Variants in LRRC46 observed in about 807,000 individuals in gnomAD.
LRRC46 encodes leucine-rich repeat-containing protein 46.
In LRRC46, 20 loss-of-function variants were observed where a neutral mutation model predicts 28.0. The observed-to-expected ratio is 0.71, with a 90% CI of 0.50 to 1.04. The LOEUF is 1.04. LRRC46 is among the 50% of genes least tolerant of loss of function. The pLI, the probability that LRRC46 is intolerant of heterozygous loss-of-function variation, is 0.00. For missense variants in LRRC46, 315 were observed against 390.1 expected, an observed-to-expected ratio of 0.81 and a Z score of 1.62; for synonymous variants, 156 against 158.8, an observed-to-expected ratio of 0.98 and a Z score of 0.13.
chr17:47,836,433 G>A lies in LRRC46; in HGVS notation c.553G>A (p.Glu185Lys). The A allele has an allele frequency of 6.2e-7, 1 of 1,614,150 alleles. No homozygotes were observed. The highest frequency in any genetic ancestry group is 8.5e-7 in the Non-Finnish European group (1 of 1,180,012). Reference sequence around the variant, plus strand: ...TGAGGAGGATGAAGCCTCAAGCGATGAGGAGTTCCCAGAGCTGAGTGGCCC... The same window carrying A: ...TGAGGAGGATGAAGCCTCAAGCGATAAGGAGTTCCCAGAGCTGAGTGGCCC... ...SDEEDEASSD[E>K]EFPELSGPFC... Residue 185 changes from glutamate (E) to lysine (K), a missense_variant, in exon 7 of 8, where the codon GAG becomes AAG. By Grantham distance (56) the Glu-to-Lys change is moderately conservative (BLOSUM62 1). Transcript: ENST00000269025. The surrounding 1 kb of genome is among the most constrained non-coding windows in gnomAD (Gnocchi z 5.8).
chr17:47,837,167 C>G lies in LRRC46; in HGVS notation c.*47C>G. The G allele has an allele frequency of 6.3e-7, 1 of 1,582,174 alleles. No individual in the cohort carries two copies. The highest frequency in any genetic ancestry group is 2.1e-5 in the Admixed American group (1 of 48,510). On this transcript the variant is annotated 3_prime_UTR_variant, in exon 8 of 8. Coordinates refer to ENST00000269025, the MANE Select transcript of LRRC46 (RefSeq NM_033413.4). ...CTAGTGGAGAGGAGTGGGGCCTGCC[C>G]CTCTTCTCAGACCTCTGACCTGTGA...
Position 47,837,332 on chromosome 17 carries a change from G to A in LRRC46, c.*212G>A, listed in dbSNP as rs985293737. Reference sequence around the variant, plus strand: ...AGTGAGCCACCTGATTCTAAAGAGCGAGTCTGGAATCTTTCGGGAGCTACC... The same window carrying A: ...AGTGAGCCACCTGATTCTAAAGAGCAAGTCTGGAATCTTTCGGGAGCTACC... On this transcript the variant is annotated 3_prime_UTR_variant, in exon 8 of 8. Coordinates refer to ENST00000269025, the MANE Select transcript of LRRC46 (RefSeq NM_033413.4). The A allele has an allele frequency of 1.5e-6, 1 of 647,052 alleles. No homozygotes were observed. Among genetic ancestry groups the A allele is most frequent in the South Asian group, 2.4e-5 (1 of 41,454 alleles). 40.1% of individuals were successfully genotyped at this position (647,052 alleles called of 1,614,324 possible).
rs1426658970 is a variant in LRRC46 at position 47,836,176 on chromosome 17, C to A, written c.452+74C>A. ...TAACTCAGCCCAGACCCCTCTCAGC[C>A]TGCAAACCTGGGGTCCTGTCCATGA... On this transcript the variant is annotated intron_variant, in intron 6 of 7. Transcript: ENST00000269025. The surrounding 1 kb of genome is among the most constrained non-coding windows in gnomAD (Gnocchi z 5.8). 1.3e-6 allele frequency: 2 copies of A among 1,588,742 alleles called. No individual in the cohort carries two copies. Among genetic ancestry groups the A allele is most frequent in the East Asian group, 2.2e-5 (1 of 44,728 alleles).
chr17:47,835,901 T>C (rs2033688581), intron 5 of LRRC46, 126 bp downstream of exon 5: 1 of 1,304,686 alleles, frequency 7.7e-7, no homozygotes, highest in South Asian at 1.2e-5. Flanking sequence ...CCTCAGGGAG[T>C]TCAAGGGGTT....
chr17:47,832,623 G>A (rs142221486), intron 2 of LRRC46, among the ~76,000 whole-genome samples: 1 of 152,258 alleles, frequency 6.6e-6, no homozygotes, highest in Admixed American at 6.5e-5. Context: ...TGTGGCTGCA[G>A]TAAGCTATGA....
Position 47,836,204 on chromosome 17 carries a change from CCTT to C in LRRC46, c.452+105_452+107del. 4 of 1,570,388 alleles carry C rather than the reference CCTT, an allele frequency of 2.5e-6. No individual in the cohort carries two copies. The highest frequency in any genetic ancestry group is 3.5e-6 in the Non-Finnish European group (4 of 1,143,212). On this transcript the variant is annotated intron_variant, in intron 6 of 7. Coordinates refer to ENST00000269025, the MANE Select transcript of LRRC46 (RefSeq NM_033413.4). The surrounding 1 kb of genome is among the most constrained non-coding windows in gnomAD (Gnocchi z 5.8). ...CAAACCTGGGGTCCTGTCCATGACACCTTCTCCCCCACCTCCTACCTAGCTCAT... is the reference window on the plus strand; with the variant it reads ...CAAACCTGGGGTCCTGTCCATGACACCTCCCCCACCTCCTACCTAGCTCAT...
intron 5 of LRRC46, 114 bp from the exon 6 acceptor site, chr17:47,835,919 G>A: frequency 7.5e-7 from 1 of 1,342,252 alleles, no homozygotes; most frequent in South Asian, 1.2e-5. Flanking sequence ...GTTGTGCCTA[G>A]AGGTACTGGC....
chr17:47,836,975 CCAAGAAACCAT>C lies in LRRC46; in HGVS notation c.822_832del (p.Lys275GlnfsTer29), dbSNP rs756537540. On this transcript the variant is annotated frameshift_variant, in exon 8 of 8. Coordinates refer to ENST00000269025, the MANE Select transcript of LRRC46 (RefSeq NM_033413.4). LOFTEE classifies it low-confidence loss of function (END_TRUNC). The surrounding 1 kb of genome is among the most constrained non-coding windows in gnomAD (Gnocchi z 5.8). ...TCCTCACCCCAGGCCTCCTCTCCCACCAAGAAACCATGCAGTCTGATTCCCAGGGGCCACCA... is the reference window on the plus strand; with the variant it reads ...TCCTCACCCCAGGCCTCCTCTCCCACGCAGTCTGATTCCCAGGGGCCACCA... 3 of 1,613,604 alleles carry C rather than the reference CCAAGAAACCAT, an allele frequency of 1.9e-6. No homozygotes were observed. The Admixed American group carries it at 5.0e-5, about 27-fold the overall frequency.
In LRRC46 at chr17:47,836,011, C is replaced by T. The variant is rs1567953757; in HGVS notation, c.383-22C>T. 2 of 1,613,178 alleles carry T rather than the reference C, an allele frequency of 1.2e-6. No homozygotes were observed. The highest frequency in any genetic ancestry group is 1.3e-5 in the African/African-American group (1 of 75,024). On this transcript the variant is annotated intron_variant, in intron 5 of 7. Transcript: ENST00000269025. The surrounding 1 kb of genome is among the most constrained non-coding windows in gnomAD (Gnocchi z 5.8). ...CTAAGATCAAGTGAGAACCCCATTT[C>T]CTCTCTCTTTGCTGTGTGCAGATGA...
In LRRC46 at chr17:47,836,477, T is replaced by C; in HGVS notation, c.595+2T>C. On this transcript the variant is annotated splice_donor_variant, in intron 7 of 7. Coordinates refer to ENST00000269025, the MANE Select transcript of LRRC46 (RefSeq NM_033413.4). LOFTEE classifies it high-confidence loss of function. This position sits in a 1 kb window ranked among gnomAD's most constrained non-coding sequence, Gnocchi z 5.8. ...GTGGCCCATTCTGCTCAGAACGAGG[T>C]GACCCTGCTTTCCAAGGTTTTCAGC... 3 of 1,613,584 alleles carry C rather than the reference T, an allele frequency of 1.9e-6. No individual in the cohort carries two copies. Among genetic ancestry groups the C allele is most frequent in the Non-Finnish European group, 2.5e-6 (3 of 1,179,684 alleles).
chr17:47,833,945 G>T, intron 2 of LRRC46: 3 of 985,678 alleles, frequency 3.0e-6, no homozygotes, highest in Non-Finnish European at 3.6e-6. Flanking sequence ...GGTGGGCAGA[G>T]ACTCTGTCAT....
At position 47,835,337 on chromosome 17, in the gene LRRC46, C is replaced by T. The variant is rs754893678; in HGVS notation, c.226-16C>T. On this transcript the variant is annotated splice_polypyrimidine_tract_variant and intron_variant, in intron 3 of 7. Coordinates refer to ENST00000269025, the MANE Select transcript of LRRC46 (RefSeq NM_033413.4). Reference sequence around the variant, plus strand: ...TGATCTCAGCTTGGTTTCCCCACTTCGGTTTCTTCTTGCAGAATAAGATCC... The same window carrying T: ...TGATCTCAGCTTGGTTTCCCCACTTTGGTTTCTTCTTGCAGAATAAGATCC... The T allele has an allele frequency of 1.5e-5, 25 of 1,614,024 alleles. No individual in the cohort carries two copies. Among genetic ancestry groups the T allele is most frequent in the East Asian group, 4.5e-5 (2 of 44,892 alleles).
Position 47,837,458 on chromosome 17 carries a change from C to T in LRRC46, c.*338C>T. The T allele has an allele frequency of 2.4e-6, 1 of 410,244 alleles. No individual in the cohort carries two copies. Among genetic ancestry groups the T allele is most frequent in the Middle Eastern group, 6.6e-4 (1 of 1,516 alleles). 25.4% of individuals were successfully genotyped at this position (410,244 alleles called of 1,614,324 possible). ...GAAGAGGCATGCCATCTCACTGCCA[C>T]CCCTAGCGAGTGCCCTTCCCCGGTC... On this transcript the variant is annotated 3_prime_UTR_variant, in exon 8 of 8. Transcript: ENST00000269025.
chr17:47,832,536 T>C (rs2033647076), intron 2 of LRRC46, among the ~76,000 whole-genome samples: 1 of 151,826 alleles, frequency 6.6e-6, no homozygotes, highest in Non-Finnish European at 1.5e-5. Flanking sequence ...AAAATAAAAA[T>C]AAACTAGCTG....
At chr17:47,835,225 G>C (rs758064047) in intron 3 of LRRC46, 128 bp from the exon 4 acceptor site, 1 of 926,842 alleles carries the variant, frequency 1.1e-6, no homozygotes, top group Non-Finnish European at 1.8e-6. Context: ...CAAGGAGTGG[G>C]GTGATCATTC....
At chr17:47,834,134 C>T (rs2033667106) in intron 2 of LRRC46, 4 of 1,068,780 alleles carry the variant, frequency 3.7e-6, no homozygotes, top group Middle Eastern at 4.2e-4. Flanking sequence ...TTTCTCTTGC[C>T]TCTGAATCTC....
In LRRC46 at chr17:47,837,321, T is replaced by C; in HGVS notation, c.*201T>C. ...ATACAGAGCTCAGTGAGCCACCTGA[T>C]TCTAAAGAGCGAGTCTGGAATCTTT... On this transcript the variant is annotated 3_prime_UTR_variant, in exon 8 of 8. Transcript: ENST00000269025. 1 of 671,524 alleles carries C rather than the reference T, an allele frequency of 1.5e-6. No homozygotes were observed. The highest frequency in any genetic ancestry group is 2.3e-6 in the Non-Finnish European group (1 of 429,410). 41.6% of individuals were successfully genotyped at this position (671,524 alleles called of 1,614,324 possible).
Position 47,836,732 on chromosome 17 carries a change from A to AC in LRRC46, c.596-13dup. The AC allele has an allele frequency of 6.2e-7, 1 of 1,610,748 alleles. No individual in the cohort carries two copies. ...GGGCTCCACCCACCCTGTACCCTCCACCCCCGGCCCCTCCCAGGCTTCCTC... is the reference window on the plus strand; with the variant it reads ...GGGCTCCACCCACCCTGTACCCTCCACCCCCCGGCCCCTCCCAGGCTTCCTC... On this transcript the variant is annotated splice_polypyrimidine_tract_variant and intron_variant, in intron 7 of 7. Coordinates refer to ENST00000269025, the MANE Select transcript of LRRC46 (RefSeq NM_033413.4). This position sits in a 1 kb window ranked among gnomAD's most constrained non-coding sequence, Gnocchi z 5.8.
At chr17:47,832,708 T>A (rs1465589029) in intron 2 of LRRC46, among the ~76,000 whole-genome samples, 2 of 152,180 alleles carry the variant, frequency 1.3e-5, no homozygotes, top group Non-Finnish European at 2.9e-5. Context: ...AAAGTATTTT[T>A]AATTACTTTT....
Sources: allele counts gnomAD v4.1 joint callset (sites outside exome capture counted in the v4.1 genomes callset), GRCh38; gene constraint gnomAD v4.1.1; non-coding constraint Gnocchi (gnomAD v3.1); transcripts MANE v1.5; gene names NCBI Gene and HGNC (gene_info 2026-07-23, HGNC 2026-07-21).